CIAPIN1: variants seen among roughly 807,000 people sequenced by gnomAD.
The protein encoded by CIAPIN1 is cytokine induced apoptosis inhibitor 1, also known as anamorsin.
Under a neutral mutation model 34.3 loss-of-function variants are expected in CIAPIN1, and 18 were observed. The ratio of observed to expected loss-of-function variants is 0.52; its 90% CI spans 0.36 to 0.78. The LOEUF is 0.78. CIAPIN1 is among the 30% of genes least tolerant of loss of function. The pLI is 0.00. For missense variants in CIAPIN1, 310 were observed against 372.5 expected (o/e 0.83, Z 1.38); for synonymous variants, 131 against 140.4 (o/e 0.93, Z 0.47).
At chr16:57,433,287 T>C (rs1209792804) in intron 5 of CIAPIN1, among the ~76,000 whole-genome samples, 3 of 152,206 alleles carry the variant, frequency 2.0e-5, no homozygotes, top group East Asian at 1.9e-4. Context: ...CTAGTGATCA[T>C]TGTCACAGCT....
In CIAPIN1 at chr16:57,430,346, G is replaced by GA. The variant is rs1225626479; in HGVS notation, c.747-8dup. ...TTCGGCAAGGCCACAGGTGCTGCGG[G>GA]AAAATCAGTAACTAATGAACGAGAA... On this transcript the variant is annotated splice_region_variant and splice_polypyrimidine_tract_variant and intron_variant, in intron 7 of 8. Coordinates refer to ENST00000394391, the MANE Select transcript of CIAPIN1 (RefSeq NM_020313.4). The GA allele has an allele frequency of 1.6e-5, 26 of 1,613,806 alleles. No homozygotes were observed. Among genetic ancestry groups the GA allele is most frequent in the Non-Finnish European group, 2.0e-5 (24 of 1,179,798 alleles).
At chr16:57,439,410 A>C (rs1598027313) in intron 2 of CIAPIN1, 76 bp from the exon 3 acceptor site, 1 of 1,503,238 alleles carries the variant, frequency 6.7e-7, no homozygotes, top group Non-Finnish European at 9.2e-7. Flanking sequence ...CCCCCAACAA[A>C]AGCTACAGAC....
At chr16:57,432,307 T>C (rs1439925743) in intron 6 of CIAPIN1, among the ~76,000 whole-genome samples, 180 bp downstream of exon 6, 1 of 149,036 alleles carries the variant, frequency 6.7e-6, no homozygotes, top group Non-Finnish European at 1.5e-5. Flanking sequence ...AGCGAGACTG[T>C]CTCCAAAAAA....
rs1239237857 is a variant in CIAPIN1 at position 57,439,797 on chromosome 16, C to T, written c.158-463G>A. 4.6e-5 allele frequency among the ~76,000 whole-genome samples: 7 copies of T among 152,284 alleles called. No individual in the cohort carries two copies. In the South Asian group the frequency reaches 8.3e-4, roughly 18 times the overall value. ...TGTCTTTACTTTAATCTCTTAATCC[C>T]GTCATCTTCATAAGCTGAGGATGTA... On this transcript the variant is annotated intron_variant, in intron 2 of 8. Transcript: ENST00000394391.
chr16:57,440,742 C>T (rs756672463), intron 2 of CIAPIN1, 30 bp downstream of exon 2: 7 of 1,587,350 alleles, frequency 4.4e-6, no homozygotes, highest in Non-Finnish European at 6.0e-6. Context: ...CCCCTCCAGC[C>T]TCATAAAGAC....
At chr16:57,436,479 C>A (rs1385719155) in intron 4 of CIAPIN1, among the ~76,000 whole-genome samples, 177 bp downstream of exon 4, 2 of 152,098 alleles carry the variant, frequency 1.3e-5, no homozygotes, top group Admixed American at 1.3e-4. Flanking sequence ...CCACCCACCT[C>A]GGCCTCCCAA....
chr16:57,431,530 C>A, intron 6 of CIAPIN1: 1 of 313,908 alleles, frequency 3.2e-6, no homozygotes, highest in Non-Finnish European at 6.1e-6. Context: ...GACTGGCCAG[C>A]AATGTGTAGA....
intron 3 of CIAPIN1, among the ~76,000 whole-genome samples, chr16:57,437,555 A>G (rs530727094): frequency 1.3e-5 from 2 of 151,690 alleles, no homozygotes; most frequent in Non-Finnish European, 2.9e-5. Context: ...ACAGGGTCTC[A>G]CTTTGTCACC....
At chr16:57,432,403 C>T (rs1309833235) in intron 6 of CIAPIN1, 84 bp downstream of exon 6, 1 of 1,133,896 alleles carries the variant, frequency 8.8e-7, no homozygotes, top group East Asian at 2.4e-5. Flanking sequence ...TTCACACCTA[C>T]AAGTCCAGAA....
rs1365295864 is a variant in CIAPIN1 at position 57,428,445 on chromosome 16, G to A, written c.*725C>T. The A allele has an allele frequency of 6.6e-6, 1 of 152,218 alleles. No individual in the cohort carries two copies. Among genetic ancestry groups the A allele is most frequent in the Non-Finnish European group, 1.5e-5 (1 of 68,052 alleles). The allele number at this position is 152,218 out of a possible 1,614,324, so 9.4% of individuals were successfully genotyped here. ...CGTAGGAATAGCCCCATTTGTGCGT[G>A]ACACTAAGTTCCTCCAATGGTCCAA... is the stretch of plus-strand genomic sequence containing the variant. On this transcript the variant is annotated 3_prime_UTR_variant, in exon 9 of 9. Transcript: ENST00000394391.
chr16:57,430,476 C>G, intron 7 of CIAPIN1, 137 bp from the exon 8 acceptor site: 1 of 719,616 alleles, frequency 1.4e-6, no homozygotes, highest in Non-Finnish European at 2.4e-6. Flanking sequence ...GCCAGGCAGA[C>G]AGCAGCAATA....
chr16:57,442,600 G>A (rs1188705249), intron 1 of CIAPIN1, among the ~76,000 whole-genome samples: 1 of 152,060 alleles, frequency 6.6e-6, no homozygotes, highest in Non-Finnish European at 1.5e-5. Context: ...AGGGCCTGAG[G>A]TGGTAGGACT....
At chr16:57,443,082 G>T (rs1338852565) in intron 1 of CIAPIN1, among the ~76,000 whole-genome samples, 1 of 145,418 alleles carries the variant, frequency 6.9e-6, no homozygotes, top group African/African-American at 2.5e-5. Flanking sequence ...AAGTAAAAAT[G>T]GAAAAAAAAA....
intron 1 of CIAPIN1, among the ~76,000 whole-genome samples, chr16:57,445,959 C>T (rs949751417): frequency 1.2e-4 from 18 of 150,488 alleles, no homozygotes; most frequent in African/African-American, 4.2e-4. Context: ...GATTCTCCCG[C>T]CTCAGCCTCC....
chr16:57,429,325 C>T (rs745966773), intron 8 of CIAPIN1, 45 bp from the exon 9 acceptor site: 2 of 1,307,282 alleles, frequency 1.5e-6, no homozygotes, highest in Non-Finnish European at 2.2e-6. Flanking sequence ...TTATCCCAGG[C>T]ATACCAGCCA....
intron 3 of CIAPIN1, 72 bp from the exon 4 acceptor site, chr16:57,436,804 T>C: frequency 1.5e-6 from 2 of 1,291,376 alleles, no homozygotes; most frequent in South Asian, 2.5e-5. Flanking sequence ...CTCAATCCTA[T>C]ATGGGTTCGC....
intron 7 of CIAPIN1, chr16:57,430,737 G>C: frequency 4.1e-6 from 1 of 244,100 alleles, no homozygotes; most frequent in South Asian, 8.2e-5. Context: ...CGCTGATGAT[G>C]AACATCACTG....
rs370622608 is a variant in CIAPIN1, at chr16:57,434,017, A to G, written c.556+27T>C. On this transcript the variant is annotated intron_variant, in intron 5 of 8. Coordinates refer to ENST00000394391, the MANE Select transcript of CIAPIN1 (RefSeq NM_020313.4). ...CATGTCCCTCTAAGCCCATTCAAAC[A>G]GAAGAATGTCCCTAGGCCAGCCTTA... The G allele has an allele frequency of 9.3e-6, 15 of 1,608,000 alleles. No homozygotes were observed. In the African/African-American group the frequency reaches 1.6e-4, roughly 17 times the overall value.
intron 1 of CIAPIN1, 134 bp from the exon 2 acceptor site, chr16:57,441,117 A>AATAC: frequency 2.1e-6 from 1 of 473,704 alleles, no homozygotes; most frequent in Non-Finnish European, 3.6e-6. Context: ...AAAGAGTCTG[A>AATAC]ATACATGAAC....
Sources: gnomAD v4.1 joint callset for allele counts (sites outside exome capture counted in the v4.1 genomes callset) on GRCh38, gnomAD v4.1.1 for gene constraint, MANE v1.5 for transcripts, NCBI Gene and HGNC (gene_info 2026-07-23, HGNC 2026-07-21) for gene names.